Variants in NCAM2 observed in about 807,000 individuals in gnomAD.
The protein encoded by NCAM2 is neural cell adhesion molecule 2.
In NCAM2, 30 loss-of-function variants were observed where a neutral mutation model predicts 98.1. That is an observed-to-expected ratio of 0.31 (90% CI 0.23 to 0.41). The LOEUF (loss-of-function observed/expected upper bound fraction) is 0.41. NCAM2 is among the 10% of genes least tolerant of loss of function. The pLI is 1.00. For synonymous variants in NCAM2, 368 were observed against 342.4 expected (o/e 1.07, Z -0.83); for missense variants, 867 against 1,005.8 (o/e 0.86, Z 1.87).
intron 1 of NCAM2, among the ~76,000 whole-genome samples, chr21:21,253,528 G>GGCTC (rs2071548335): frequency 6.6e-6 from 1 of 152,080 alleles, no homozygotes; most frequent in Non-Finnish European, 1.5e-5. Context: ...ACAGCTAGAA[G>GGCTC]GCTCCATCAA....
At chr21:21,281,888 TAA>T (rs1180276432) in intron 2 of NCAM2, among the ~76,000 whole-genome samples, 1 of 151,642 alleles carries the variant, frequency 6.6e-6, no homozygotes, top group Non-Finnish European at 1.5e-5. Flanking sequence ...ATTTTATAAA[TAA>T]AAGATATAGT....
chr21:21,358,343 C>T (rs907660552), intron 8 of NCAM2, among the ~76,000 whole-genome samples: 1 of 152,020 alleles, frequency 6.6e-6, no homozygotes, highest in Non-Finnish European at 1.5e-5. Context: ...CCTTTCAGAT[C>T]TTTTGATACA....
At chr21:21,005,254 C>T (rs531425079) in intron 1 of NCAM2, among the ~76,000 whole-genome samples, 31 of 151,950 alleles carry the variant, frequency 2.0e-4, no homozygotes, top group African/African-American at 7.2e-4. Context: ...TAGGATGGAC[C>T]AGAAGGAAAG....
chr21:21,140,043 C>A (rs2067134229), intron 1 of NCAM2, among the ~76,000 whole-genome samples: 1 of 152,036 alleles, frequency 6.6e-6, no homozygotes, highest in Non-Finnish European at 1.5e-5. Flanking sequence ...ATGGTGGGTT[C>A]TAAGATTTAT....
chr21:21,467,984 C>G (rs1177408133), intron 13 of NCAM2, among the ~76,000 whole-genome samples: 4 of 151,966 alleles, frequency 2.6e-5, no homozygotes, highest in Non-Finnish European at 5.9e-5. Flanking sequence ...TTTTTCTTGG[C>G]CCTTCACATA....
intron 16 of NCAM2, among the ~76,000 whole-genome samples, chr21:21,532,832 C>T (rs922014906): frequency 1.3e-5 from 2 of 152,098 alleles, no homozygotes; most frequent in African/African-American, 4.8e-5. Context: ...GGCTCTTCAT[C>T]CATCTTTACT....
At chr21:21,106,889 GT>G (rs1292647335) in intron 1 of NCAM2, among the ~76,000 whole-genome samples, 1 of 152,028 alleles carries the variant, frequency 6.6e-6, no homozygotes, top group Non-Finnish European at 1.5e-5. Flanking sequence ...TTGAAAAACA[GT>G]TTAGTTGTAT....
rs2067547297 is a variant in NCAM2 at position 21,154,450 on chromosome 21, A to G, written c.56-126128A>G. Among the ~76,000 whole-genome samples, 2 of 151,890 alleles carry G rather than the reference A, an allele frequency of 1.3e-5. 1 individual carries two copies. On this transcript the variant is annotated intron_variant, in intron 1 of 17. Transcript: ENST00000400546. ...GTTGTGAGGATTTCATAGTGGTTCCATTAGAAAAGAGTTTTATATTAGTTA... is the reference window on the plus strand; with the variant it reads ...GTTGTGAGGATTTCATAGTGGTTCCGTTAGAAAAGAGTTTTATATTAGTTA...
At chr21:21,353,954 G>T (rs2075405527) in intron 8 of NCAM2, among the ~76,000 whole-genome samples, 1 of 152,004 alleles carries the variant, frequency 6.6e-6, no homozygotes, top group Non-Finnish European at 1.5e-5. Context: ...TAGAACATTT[G>T]TCTAAAAATG....
chr21:21,167,715 C>A (rs954285234), intron 1 of NCAM2, among the ~76,000 whole-genome samples: 1 of 152,094 alleles, frequency 6.6e-6, no homozygotes, highest in African/African-American at 2.4e-5. Context: ...AATTTTATAA[C>A]CTACACAGAA....
chr21:21,044,386 G>A (rs1441842490), intron 1 of NCAM2, among the ~76,000 whole-genome samples: 1 of 152,176 alleles, frequency 6.6e-6, no homozygotes, highest in Non-Finnish European at 1.5e-5. Context: ...AAGAGCAACA[G>A]AAGAGTAGGG....
chr21:21,305,814 T>C (rs570973810), intron 5 of NCAM2, among the ~76,000 whole-genome samples: 6 of 152,252 alleles, frequency 3.9e-5, no homozygotes, highest in East Asian at 3.9e-4. Context: ...TTTTTTTCTG[T>C]TTTCTCAAGG....
At chr21:21,278,879 T>G (rs952576762) in intron 1 of NCAM2, among the ~76,000 whole-genome samples, 6 of 152,198 alleles carry the variant, frequency 3.9e-5, no homozygotes, top group African/African-American at 1.4e-4. Flanking sequence ...TCAATGTAGT[T>G]GTGTTATATT....
intron 12 of NCAM2, among the ~76,000 whole-genome samples, chr21:21,447,705 A>T (rs1481560372): frequency 6.6e-6 from 1 of 152,116 alleles, no homozygotes; most frequent in African/African-American, 2.4e-5. Flanking sequence ...CAAGAAAAAA[A>T]CAAACAACCC....
At chr21:21,188,859 A>C (rs1334955110) in intron 1 of NCAM2, among the ~76,000 whole-genome samples, 2 of 152,218 alleles carry the variant, frequency 1.3e-5, no homozygotes, top group East Asian at 1.9e-4. Context: ...TGGTAATTAA[A>C]AAATAAATTT....
chr21:21,472,017 A>C (rs17003871), intron 14 of NCAM2, among the ~76,000 whole-genome samples: 1 of 152,062 alleles, frequency 6.6e-6, no homozygotes, highest in Non-Finnish European at 1.5e-5. Flanking sequence ...TGTTTGGAAA[A>C]AATCATGAAG....
intron 1 of NCAM2, among the ~76,000 whole-genome samples, chr21:21,096,347 TAGTGGATTGTTAA>T (rs1184056439): frequency 6.6e-6 from 1 of 151,392 alleles, no homozygotes; most frequent in East Asian, 1.9e-4. Context: ...CTTTGCACAG[TAGTGGATTGTTAA>T]AGTGGCAGTG....
intron 5 of NCAM2, among the ~76,000 whole-genome samples, chr21:21,317,280 A>G (rs561774332): frequency 6.6e-6 from 1 of 152,248 alleles, no homozygotes; most frequent in African/African-American, 2.4e-5. Flanking sequence ...ATGTCAAGCA[A>G]CTTGTATGAG....
intron 12 of NCAM2, among the ~76,000 whole-genome samples, chr21:21,436,880 G>T (rs1386704339): frequency 1.3e-5 from 2 of 151,522 alleles, no homozygotes; most frequent in Non-Finnish European, 2.9e-5. Flanking sequence ...TCGTGCCTCA[G>T]CCTCCCTAGT....
Sources: gnomAD v4.1 joint callset for allele counts (sites outside exome capture counted in the v4.1 genomes callset) on GRCh38, gnomAD v4.1.1 for gene constraint, MANE v1.5 for transcripts, NCBI Gene and HGNC (gene_info 2026-07-23, HGNC 2026-07-21) for gene names.